Variants in CCNY observed in about 807,000 individuals in gnomAD.
CCNY encodes the protein cyclin Y, also known as cyclin-Y.
In CCNY, 19 loss-of-function variants were observed where a neutral mutation model predicts 42.8. That is an observed-to-expected ratio of 0.44 (90% CI 0.31 to 0.65). The LOEUF (loss-of-function observed/expected upper bound fraction) is 0.65. Among genes scored for constraint, CCNY ranks in the 30% least tolerant of loss-of-function variants. The pLI is 0.07. For synonymous variants in CCNY, 165 were observed against 162.7 expected, an observed-to-expected ratio of 1.01 and a Z score of -0.11; for missense variants, 370 against 437.3, an observed-to-expected ratio of 0.85 and a Z score of 1.37.
intron 2 of CCNY, among the ~76,000 whole-genome samples, chr10:35,484,739 A>G (rs955599752): frequency 2.0e-5 from 3 of 152,200 alleles, no homozygotes; most frequent in African/African-American, 7.2e-5. Context: ...TATAAAAACA[A>G]GAAACATAGT....
At chr10:35,551,624 A>C (rs1014088941) in intron 7 of CCNY, among the ~76,000 whole-genome samples, 21 of 152,308 alleles carry the variant, frequency 1.4e-4, no homozygotes, top group African/African-American at 4.6e-4. Context: ...ACGTACTATC[A>C]ATAATAAACA....
intron 7 of CCNY, among the ~76,000 whole-genome samples, chr10:35,538,339 G>A (rs1840927577): frequency 6.6e-6 from 1 of 152,310 alleles, no homozygotes; most frequent in Middle Eastern, 3.4e-3. Flanking sequence ...ATCTAGAAGT[G>A]GAATTGCTGG....
chr10:35,565,015 C>T (rs1564460452), intron 8 of CCNY, among the ~76,000 whole-genome samples: 1 of 151,164 alleles, frequency 6.6e-6, no homozygotes, highest in Non-Finnish European at 1.5e-5. Context: ...CTGGGGGCTT[C>T]CTGGGGAGAA....
chr10:35,386,198 G>C (rs567802789), intron 1 of CCNY, among the ~76,000 whole-genome samples: 16 of 152,224 alleles, frequency 1.1e-4, no homozygotes, highest in Non-Finnish European at 1.5e-4. Context: ...ATTACATTCT[G>C]TGAATTTATC....
chr10:35,375,267 C>G (rs1837027440), intron 1 of CCNY, among the ~76,000 whole-genome samples: 1 of 152,162 alleles, frequency 6.6e-6, no homozygotes, highest in South Asian at 2.1e-4. Flanking sequence ...AGGGGAGAAT[C>G]TATTTTCTTG....
chr10:35,545,286 T>A (rs1841089056), intron 7 of CCNY, among the ~76,000 whole-genome samples: 3 of 152,180 alleles, frequency 2.0e-5, no homozygotes. Context: ...GTTAATTCCC[T>A]GGGGCTGCCA....
intron 3 of CCNY, among the ~76,000 whole-genome samples, chr10:35,330,490 G>A (rs1274952363): frequency 2.6e-5 from 4 of 152,160 alleles, no homozygotes; most frequent in African/African-American, 9.7e-5. Context: ...AAGGAAAACT[G>A]TCAACATGAA....
chr10:35,443,138 G>A (rs1838710914), intron 1 of CCNY, among the ~76,000 whole-genome samples: 1 of 152,204 alleles, frequency 6.6e-6, no homozygotes, highest in African/African-American at 2.4e-5. Context: ...TGCTCTGGGT[G>A]AGTTAGCAAG....
In CCNY at chr10:35,501,334, G is replaced by A. The variant is rs147460771; in HGVS notation, c.230-167G>A. ...TCCCTCTGTGAGCCAAGTTCATTCA[G>A]ATCTGCATTTGTGCAGGTCCTGTAT... On this transcript the variant is annotated intron_variant, in intron 2 of 9. Transcript: ENST00000374704. Among the ~76,000 whole-genome samples the A allele has an allele frequency of 2.6e-5, 4 of 152,270 alleles. No individual in the cohort carries two copies. The East Asian group carries it at 5.8e-4, about 22-fold the overall frequency.
At chr10:35,328,814 T>C (rs1486833500) in intron 3 of CCNY, among the ~76,000 whole-genome samples, 1 of 152,204 alleles carries the variant, frequency 6.6e-6, no homozygotes, top group East Asian at 1.9e-4. Context: ...ACAGGGAAAC[T>C]GAGATTGAGA....
intron 1 of CCNY, among the ~76,000 whole-genome samples, chr10:35,371,619 C>A (rs1836938948): frequency 6.6e-6 from 1 of 152,142 alleles, no homozygotes. Flanking sequence ...ACAGTTTTAA[C>A]GTGAGGCCTC....
intron 3 of CCNY, among the ~76,000 whole-genome samples, chr10:35,277,658 T>C (rs1295994569): frequency 6.6e-6 from 1 of 152,152 alleles, no homozygotes; most frequent in Non-Finnish European, 1.5e-5. Context: ...ATAGCTTCCA[T>C]GTCTCTCTCA....
At chr10:35,386,167 C>T (rs1017295541) in intron 1 of CCNY, among the ~76,000 whole-genome samples, 14 of 152,142 alleles carry the variant, frequency 9.2e-5, no homozygotes, top group African/African-American at 1.4e-4. Context: ...AACTTGGGGC[C>T]GGCTTGTTGA....
At chr10:35,278,095 G>A (rs2135050293) in intron 3 of CCNY, among the ~76,000 whole-genome samples, 1 of 152,248 alleles carries the variant, frequency 6.6e-6, no homozygotes, top group South Asian at 2.1e-4. Flanking sequence ...AGTGTCACCT[G>A]AGAGATGGAT....
At chr10:35,323,433 C>A (rs1343063548) in intron 3 of CCNY, among the ~76,000 whole-genome samples, 1 of 152,172 alleles carries the variant, frequency 6.6e-6, no homozygotes, top group Non-Finnish European at 1.5e-5. Flanking sequence ...TATACATACA[C>A]TGGAAAAATA....
At chr10:35,423,232 C>A (rs1838196141) in intron 1 of CCNY, among the ~76,000 whole-genome samples, 1 of 151,982 alleles carries the variant, frequency 6.6e-6, no homozygotes, top group South Asian at 2.1e-4. Context: ...GTCAACACTT[C>A]AGGAGGCCGA....
Position 35,488,461 on chromosome 10 carries a change from A to G in CCNY, c.229+4983A>G, listed in dbSNP as rs962066940. ...CTGTCCTCACCTCACTTGCATTCCCAGCTGTCTTTGGCTCGTTCGTGTGTG... is the reference window on the plus strand; with the variant it reads ...CTGTCCTCACCTCACTTGCATTCCCGGCTGTCTTTGGCTCGTTCGTGTGTG... On this transcript the variant is annotated intron_variant, in intron 2 of 9. Coordinates refer to ENST00000374704, the MANE Select transcript of CCNY (RefSeq NM_145012.6). Among the ~76,000 whole-genome samples the G allele has an allele frequency of 9.9e-5, 15 of 151,994 alleles. No homozygotes were observed. The South Asian group carries it at 1.0e-3, about 11-fold the overall frequency.
At chr10:35,305,191 A>C (rs2135078692) in intron 3 of CCNY, among the ~76,000 whole-genome samples, 1 of 152,354 alleles carries the variant, frequency 6.6e-6, no homozygotes, top group South Asian at 2.1e-4. Flanking sequence ...GGCAATACCA[A>C]AAGTAAGCGT....
Position 35,569,141 on chromosome 10 carries a change from C to A in CCNY, c.997C>A (p.Pro333Thr), listed in dbSNP as rs778417543. The A allele has an allele frequency of 6.2e-7, 1 of 1,610,780 alleles. No individual in the cohort carries two copies. The highest frequency in any genetic ancestry group is 1.7e-5 in the Admixed American group (1 of 60,030). Residue 333 changes from proline to threonine, a missense_variant, in exon 10 of 10, where the codon CCC becomes ACC. Pro to Thr is a conservative substitution (Grantham distance 38). Coordinates refer to ENST00000374704, the MANE Select transcript of CCNY (RefSeq NM_145012.6). The part of the protein sequence containing the change: ...RSASADNLTL[P>T]RWSPAIIS Reference sequence around the variant, plus strand: ...AGCCAGTGCAGACAACCTGACTCTGCCCCGGTGGTCCCCAGCCATCATCTC... The same window carrying A: ...AGCCAGTGCAGACAACCTGACTCTGACCCGGTGGTCCCCAGCCATCATCTC...
Sources: allele counts gnomAD v4.1 joint callset (sites outside exome capture counted in the v4.1 genomes callset), GRCh38; gene constraint gnomAD v4.1.1; transcripts MANE v1.5; gene names NCBI Gene and HGNC (gene_info 2026-07-23, HGNC 2026-07-21).